Variants in OSGEP observed in about 807,000 individuals in gnomAD.
OSGEP encodes the protein tRNA N6-adenosine threonylcarbamoyltransferase.
OSGEP carries 39 observed loss-of-function variants against 44.1 expected under a neutral mutation model. That is an observed-to-expected ratio of 0.88 (90% CI 0.69 to 1.16). The LOEUF (loss-of-function observed/expected upper bound fraction) is 1.16, where lower values mean the gene tolerates loss of function less well. OSGEP is among the 50% of genes most tolerant of loss of function. OSGEP has a pLI of 0.00. For synonymous variants in OSGEP, 139 were observed against 161.9 expected, an observed-to-expected ratio of 0.86 and a Z score of 1.07; for missense variants, 403 against 443.1, an observed-to-expected ratio of 0.91 and a Z score of 0.81.
At chr14:20,448,665 G>GT (rs1881020721) in intron 6 of OSGEP, 68 bp downstream of exon 6, 6 of 1,108,186 alleles carry the variant, frequency 5.4e-6, no homozygotes, top group African/African-American at 3.1e-5. Context: ...AAATATAATC[G>GT]TAAGTAAAAC....
Position 20,447,003 on chromosome 14 carries a change from T to G in OSGEP, c.*237A>C, listed in dbSNP as rs530576465. On this transcript the variant is annotated 3_prime_UTR_variant, in exon 11 of 11. Coordinates refer to ENST00000206542, the MANE Select transcript of OSGEP (RefSeq NM_017807.4). ...CACAGCAGCAAGCTCCAACAAGAAT[T>G]TATCCAGCACCAAATCTACATTGGT... 1.3e-5 allele frequency: 6 copies of G among 453,232 alleles called. No homozygotes were observed. In the Admixed American group the frequency reaches 1.9e-4, roughly 14 times the overall value. The allele number at this position is 453,232 out of a possible 1,614,324, so 28.1% of individuals were successfully genotyped here. A position where few individuals can be genotyped will look rare whatever the true frequency, so the allele number is the denominator to read the frequency against.
intron 1 of OSGEP, among the ~76,000 whole-genome samples, chr14:20,452,708 C>CTT (rs59935464): frequency 1.5e-5 from 2 of 135,316 alleles, no homozygotes; most frequent in Non-Finnish European, 1.6e-5. Flanking sequence ...CTTTCGTGAT[C>CTT]TTTTTTTTTT....
chr14:20,448,121 C>T lies in OSGEP; in HGVS notation c.687G>A (p.Leu229=). ...LATGECTPED[L]CFSLQETVFA... Reference sequence around the variant, plus strand: ...ACTGCATTACCTGCAGGGAGAAACACAGATCCTCAGGAGTACACTCGCCTG... The same window carrying T: ...ACTGCATTACCTGCAGGGAGAAACATAGATCCTCAGGAGTACACTCGCCTG... The change falls in exon 7 of 11, where the codon CTG becomes CTA. Residue 229 remains leucine, a synonymous_variant. Coordinates refer to ENST00000206542, the MANE Select transcript of OSGEP (RefSeq NM_017807.4). The T allele has an allele frequency of 6.2e-7, 1 of 1,613,532 alleles. No homozygotes were observed. The highest frequency in any genetic ancestry group is 8.5e-7 in the Non-Finnish European group (1 of 1,179,416).
Position 20,447,173 on chromosome 14 carries a change from G to T in OSGEP, c.*67C>A. 7.3e-7 allele frequency: 1 copy of T among 1,363,668 alleles called. No homozygotes were observed. The highest frequency in any genetic ancestry group is 1.1e-6 in the Non-Finnish European group (1 of 951,834). The allele number at this position is 1,363,668 out of a possible 1,614,324, so 84.5% of individuals were successfully genotyped here. A position where few individuals can be genotyped will look rare whatever the true frequency, so the allele number is the denominator to read the frequency against. On this transcript the variant is annotated 3_prime_UTR_variant, in exon 11 of 11. Coordinates refer to ENST00000206542, the MANE Select transcript of OSGEP (RefSeq NM_017807.4). ...CTAGGACTCCCATGACATCAGGATA[G>T]AGATTGAGGCACGGGGTCCTTTGGG...
At chr14:20,453,569 A>C (rs1291899674) in intron 1 of OSGEP, among the ~76,000 whole-genome samples, 1 of 151,944 alleles carries the variant, frequency 6.6e-6, no homozygotes, top group Non-Finnish European at 1.5e-5. Flanking sequence ...TGGTTTCTCC[A>C]TGTTGGTCAG....
In OSGEP at chr14:20,452,150, C is replaced by A; in HGVS notation, c.236-1G>T. On this transcript the variant is annotated splice_acceptor_variant, in intron 2 of 10. Coordinates refer to ENST00000206542, the MANE Select transcript of OSGEP (RefSeq NM_017807.4). LOFTEE classifies it high-confidence loss of function. ...ACCAGTGGGGCACCCATGCCAGGGC[C>A]TAGGGAGATAGAAATGGAAGTTATA... 6.2e-7 allele frequency: 1 copy of A among 1,605,396 alleles called. No homozygotes were observed. Among genetic ancestry groups the A allele is most frequent in the Non-Finnish European group, 8.5e-7 (1 of 1,175,722 alleles).
chr14:20,453,606 G>A (rs1881166845), intron 1 of OSGEP, among the ~76,000 whole-genome samples: 1 of 151,996 alleles, frequency 6.6e-6, no homozygotes, highest in Non-Finnish European at 1.5e-5. Context: ...GACCTCAGGT[G>A]ATCTGCCTGC....
chr14:20,449,724 T>C (rs1881045906), intron 3 of OSGEP: 1 of 164,856 alleles, frequency 6.1e-6, no homozygotes, highest in Admixed American at 5.7e-5. Flanking sequence ...CACTGTAGCC[T>C]CCACCTCCTA....
intron 8 of OSGEP, 31 bp downstream of exon 8, chr14:20,447,873 G>A (rs374362491): frequency 6.7e-7 from 1 of 1,485,332 alleles, no homozygotes; most frequent in African/African-American, 1.4e-5. Context: ...GTTAAGAATA[G>A]GAAAGAGGAA....
rs1348510405 is a variant in OSGEP at position 20,451,563 on chromosome 14, TC to T, written c.411+410del. 7 of 158,616 alleles carry T rather than the reference TC, an allele frequency of 4.4e-5. No individual in the cohort carries two copies. In the East Asian group the frequency reaches 1.1e-3, roughly 26 times the overall value. The allele number at this position is 158,616 out of a possible 1,614,324, so 9.8% of individuals were successfully genotyped here. ...CTCAGATGATCCACCCGCCTCGACC[TC>T]CCAAAGTGCTGGAATTACAGGCATG... On this transcript the variant is annotated intron_variant, in intron 3 of 10. Coordinates refer to ENST00000206542, the MANE Select transcript of OSGEP (RefSeq NM_017807.4).
chr14:20,449,117 G>T, intron 4 of OSGEP, 54 bp downstream of exon 4: 2 of 1,512,198 alleles, frequency 1.3e-6, no homozygotes, highest in Non-Finnish European at 1.8e-6. Context: ...CCACCTCCAT[G>T]GCTTCCCAAA....
chr14:20,452,590 C>T (rs1878703), intron 1 of OSGEP, 142 bp from the exon 2 acceptor site: 20 of 721,834 alleles, frequency 2.8e-5, no homozygotes, highest in Non-Finnish European at 4.3e-5. Flanking sequence ...CACATTTTCA[C>T]ATCTACTCTT....
chr14:20,449,068 T>C (rs1240136983), intron 4 of OSGEP, 55 bp from the exon 5 acceptor site: 4 of 1,537,546 alleles, frequency 2.6e-6, no homozygotes, highest in African/African-American at 1.4e-5. Context: ...AAATCAGATA[T>C]GCAGGAAGCA....
intron 9 of OSGEP, 29 bp from the exon 10 acceptor site, chr14:20,447,549 A>G: frequency 6.2e-7 from 1 of 1,610,452 alleles, no homozygotes; most frequent in East Asian, 2.2e-5. Flanking sequence ...GAAAATTGGG[A>G]TCTAAGGGTG....
In OSGEP at chr14:20,447,133, G is replaced by A; in HGVS notation, c.*107C>T. On this transcript the variant is annotated 3_prime_UTR_variant, in exon 11 of 11. Coordinates refer to ENST00000206542, the MANE Select transcript of OSGEP (RefSeq NM_017807.4). ...CATAAAGGACCCCAAGCCTTGCTTG[G>A]AGTCTATAGCTTTGCTAGGACTCCC... 2 of 921,012 alleles carry A rather than the reference G, an allele frequency of 2.2e-6. No individual in the cohort carries two copies. The highest frequency in any genetic ancestry group is 2.4e-5 in the East Asian group (1 of 41,480). The allele number at this position is 921,012 out of a possible 1,614,324, so 57.1% of individuals were successfully genotyped here. A position where few individuals can be genotyped will look rare whatever the true frequency, so the allele number is the denominator to read the frequency against.
In OSGEP at chr14:20,446,512, C is replaced by T. The variant is rs1880948846; in HGVS notation, c.*728G>A. On this transcript the variant is annotated 3_prime_UTR_variant, in exon 11 of 11. Coordinates refer to ENST00000206542, the MANE Select transcript of OSGEP (RefSeq NM_017807.4). Reference sequence around the variant, plus strand: ...AATGCAGTGGCTCAATCACAGCTCACTGCAACCTCAAACTCCTGGGCTCAA... The same window carrying T: ...AATGCAGTGGCTCAATCACAGCTCATTGCAACCTCAAACTCCTGGGCTCAA... 1 of 152,268 alleles carries T rather than the reference C, an allele frequency of 6.6e-6. No homozygotes were observed. Among genetic ancestry groups the T allele is most frequent in the South Asian group, 2.1e-4 (1 of 4,830 alleles). 9.4% of individuals were successfully genotyped at this position (152,268 alleles called of 1,614,324 possible). A position where few individuals can be genotyped will look rare whatever the true frequency, so the allele number is the denominator to read the frequency against.
chr14:20,452,257 A>T (rs1180188098), intron 2 of OSGEP, 72 bp downstream of exon 2: 1 of 1,597,218 alleles, frequency 6.3e-7, no homozygotes, highest in Admixed American at 1.7e-5. Context: ...GGCAGAGGTA[A>T]GGTGTTGGCT....
Position 20,448,997 on chromosome 14 carries a change from C to T in OSGEP, c.524G>A (p.Ser175Asn), listed in dbSNP as rs765090033. The change falls in exon 5 of 11, where the codon AGT becomes AAT. Residue 175 changes from serine to asparagine, a missense_variant. Transcript: ENST00000206542. ...ARVLKISNDP[S>N]PGYNIEQMAK... ...CATCTGTTCAATGTTGTATCCTGGA[C>T]TTGGGTCGTTAGAAATCTAGCAGAA... The T allele has an allele frequency of 1.1e-5, 17 of 1,613,906 alleles. No individual in the cohort carries two copies. The Admixed American group carries it at 1.5e-4, about 14-fold the overall frequency.
In OSGEP at chr14:20,447,227, T is replaced by C. The variant is rs1245166551; in HGVS notation, c.*13A>G. 1.2e-6 allele frequency: 2 copies of C among 1,612,008 alleles called. No individual in the cohort carries two copies. Among genetic ancestry groups the C allele is most frequent in the South Asian group, 2.2e-5 (2 of 91,030 alleles). On this transcript the variant is annotated 3_prime_UTR_variant, in exon 11 of 11. Coordinates refer to ENST00000206542, the MANE Select transcript of OSGEP (RefSeq NM_017807.4). ...CGATTAAGGAACTATCTACTCTGAT[T>C]CTGTTGATCTTATTAGTCCCTCCAG...
Sources: allele counts gnomAD v4.1 joint callset (sites outside exome capture counted in the v4.1 genomes callset), GRCh38; gene constraint gnomAD v4.1.1; transcripts MANE v1.5; gene names NCBI Gene and HGNC (gene_info 2026-07-23, HGNC 2026-07-21).